The following CYLC2 variants were observed in gnomAD, a reference collection of about 807,000 sequenced individuals.
CYLC2 encodes the protein cylicin-2.
CYLC2 carries 30 observed loss-of-function variants against 26.1 expected under a neutral mutation model. That is an observed-to-expected ratio of 1.15 (90% CI 0.86 to 1.56). The LOEUF is 1.56. CYLC2 is among the 40% of genes most tolerant of loss of function. CYLC2 has a pLI of 0.00. For synonymous variants in CYLC2, 158 were observed against 132.8 expected, an observed-to-expected ratio of 1.19 and a Z score of -1.31; for missense variants, 498 against 394.4, an observed-to-expected ratio of 1.26 and a Z score of -2.23.
chr9:103,002,952 C>A (rs564308659), intron 2 of CYLC2, among the ~76,000 whole-genome samples, 190 bp from the exon 3 acceptor site: 1 of 152,110 alleles, frequency 6.6e-6, no homozygotes, highest in South Asian at 2.1e-4. Flanking sequence ...TAAAACTGCT[C>A]AAAATAGAAA....
chr9:103,015,394 T>TA (rs1199339863), intron 6 of CYLC2, among the ~76,000 whole-genome samples: 2 of 15,014 alleles, frequency 1.3e-4, no homozygotes, highest in Admixed American at 1.1e-3. Context: ...TAAATATATA[T>TA]ATATGCTTAT....
At chr9:103,007,808 C>T (rs1033630441) in intron 5 of CYLC2, among the ~76,000 whole-genome samples, 1 of 152,106 alleles carries the variant, frequency 6.6e-6, no homozygotes, top group Admixed American at 6.5e-5. Context: ...GAAGGGTCTC[C>T]TAGTCTGTAT....
At chr9:103,006,580 A>AT (rs1829354192) in intron 5 of CYLC2, among the ~76,000 whole-genome samples, 2 of 151,654 alleles carry the variant, frequency 1.3e-5, no homozygotes, top group African/African-American at 2.4e-5. Context: ...GCCCAGCTGA[A>AT]TTTTTTTGTA....
chr9:103,015,340 TTA>T (rs1443159602), intron 6 of CYLC2, among the ~76,000 whole-genome samples: 1 of 128,918 alleles, frequency 7.8e-6, no homozygotes, highest in Non-Finnish European at 1.6e-5. Context: ...ATATATTATG[TTA>T]TATATATTAT....
At chr9:103,017,724 A>T (rs1328484029) in intron 7 of CYLC2, among the ~76,000 whole-genome samples, 1 of 152,016 alleles carries the variant, frequency 6.6e-6, no homozygotes, top group African/African-American at 2.4e-5. Flanking sequence ...CTGCCATGAC[A>T]ACAAACCACA....
At chr9:103,011,554 G>A (rs1268787448) in intron 5 of CYLC2, among the ~76,000 whole-genome samples, 2 of 151,984 alleles carry the variant, frequency 1.3e-5, no homozygotes, top group African/African-American at 4.8e-5. Flanking sequence ...GAAGCTAACC[G>A]ATTTTGAAAA....
intron 5 of CYLC2, among the ~76,000 whole-genome samples, chr9:103,008,449 C>T (rs1345616155): frequency 1.3e-5 from 2 of 151,962 alleles, no homozygotes; most frequent in African/African-American, 4.8e-5. Flanking sequence ...CTAGTATTTA[C>T]TTATTTACTC....
chr9:103,014,500 A>C (rs1226228950), intron 6 of CYLC2, among the ~76,000 whole-genome samples: 5 of 141,374 alleles, frequency 3.5e-5, no homozygotes, highest in Admixed American at 7.4e-5. Context: ...CAATATACAT[A>C]ATATATGTAA....
At chr9:103,014,554 T>C (rs1342309615) in intron 6 of CYLC2, among the ~76,000 whole-genome samples, 2 of 142,956 alleles carry the variant, frequency 1.4e-5, no homozygotes, top group Non-Finnish European at 3.0e-5. Context: ...TATTATGCAG[T>C]ATACATCATA....
intron 1 of CYLC2, among the ~76,000 whole-genome samples, chr9:102,995,748 A>G (rs1829230612): frequency 6.6e-6 from 1 of 151,786 alleles, no homozygotes; most frequent in Non-Finnish European, 1.5e-5. Flanking sequence ...TTCTGTGAAT[A>G]TTTTTTGTGT....
chr9:103,014,503 A>G (rs1829467717), intron 6 of CYLC2, among the ~76,000 whole-genome samples: 1 of 141,020 alleles, frequency 7.1e-6, no homozygotes, highest in African/African-American at 2.5e-5. Context: ...TATACATAAT[A>G]TATGTAATAT....
chr9:103,018,094 G>T (rs7034224), intron 7 of CYLC2, among the ~76,000 whole-genome samples: 101,191 of 151,754 alleles, frequency 0.67, 34,017 homozygotes, highest in South Asian at 0.82. Flanking sequence ...CAGTTTTTTA[G>T]TTTTAATCAC....
intron 1 of CYLC2, 150 bp from the exon 2 acceptor site, chr9:103,001,428 G>C (rs1244804060): frequency 1.6e-6 from 1 of 608,136 alleles, no homozygotes; most frequent in Non-Finnish European, 3.0e-6. Flanking sequence ...TATTATCCTG[G>C]AGATGAAGTA....
At chr9:103,015,788 T>G (rs1829498568) in intron 6 of CYLC2, among the ~76,000 whole-genome samples, 1 of 150,142 alleles carries the variant, frequency 6.7e-6, no homozygotes, top group Non-Finnish European at 1.5e-5. Flanking sequence ...ATATATCATC[T>G]AAAATTCTAG....
At chr9:103,004,439 T>G (rs998550554) in intron 3 of CYLC2, among the ~76,000 whole-genome samples, 1 of 152,034 alleles carries the variant, frequency 6.6e-6, no homozygotes, top group Non-Finnish European at 1.5e-5. Context: ...TCTACCAATT[T>G]GAACCTAAAA....
intron 5 of CYLC2, among the ~76,000 whole-genome samples, chr9:103,007,453 C>T (rs1267647742): frequency 3.3e-5 from 5 of 151,990 alleles, no homozygotes; most frequent in Non-Finnish European, 5.9e-5. Flanking sequence ...CTTCACAAAA[C>T]TAAATTAACC....
At chr9:103,011,929 T>G (rs1829410386) in intron 5 of CYLC2, 53 bp from the exon 6 acceptor site, 1 of 148,218 alleles carries the variant, frequency 6.7e-6, no homozygotes, top group African/African-American at 2.5e-5. Context: ...AATAACTTGC[T>G]AATACTTAGA....
chr9:103,014,732 G>A (rs553540934), intron 6 of CYLC2, among the ~76,000 whole-genome samples: 13 of 87,478 alleles, frequency 1.5e-4, no homozygotes, highest in Admixed American at 6.2e-4. Flanking sequence ...TGTAATATAC[G>A]TATGTATATT....
rs546687444 is a variant in CYLC2, at chr9:102,997,349, G to A, written c.17+1952G>A. Reference sequence around the variant, plus strand: ...AATTGTGACAAGGAAAATGTCTTCAGACATTGCAAAATATTCTCTGGGTGA... The same window carrying A: ...AATTGTGACAAGGAAAATGTCTTCAAACATTGCAAAATATTCTCTGGGTGA... On this transcript the variant is annotated intron_variant, in intron 1 of 7. Coordinates refer to ENST00000374798, the MANE Select transcript of CYLC2 (RefSeq NM_001340.5). Among the ~76,000 whole-genome samples the A allele has an allele frequency of 2.0e-5, 3 of 152,050 alleles. No individual in the cohort carries two copies. The East Asian group carries it at 5.8e-4, about 29-fold the overall frequency.
Sources: allele counts gnomAD v4.1 joint callset (sites outside exome capture counted in the v4.1 genomes callset), GRCh38; gene constraint gnomAD v4.1.1; transcripts MANE v1.5; gene names NCBI Gene and HGNC (gene_info 2026-07-23, HGNC 2026-07-21).